ABCD3: variants seen among roughly 807,000 people sequenced by gnomAD.
ABCD3 encodes ATP binding cassette subfamily D member 3, also known as ATP-binding cassette sub-family D member 3.
In ABCD3, 41 loss-of-function variants were observed where a neutral mutation model predicts 105.5. The observed-to-expected ratio is 0.39, with a 90% CI of 0.30 to 0.50. The LOEUF (loss-of-function observed/expected upper bound fraction) is 0.50. Ranked by LOEUF, ABCD3 falls within the 20% of genes least tolerant of loss-of-function variation. ABCD3 has a pLI of 0.84. For synonymous variants in ABCD3, 258 were observed against 269.0 expected, an observed-to-expected ratio of 0.96 and a Z score of 0.40; for missense variants, 622 against 806.3, an observed-to-expected ratio of 0.77 and a Z score of 2.77.
intron 1 of ABCD3, among the ~76,000 whole-genome samples, chr1:94,439,983 C>T (rs578224371): frequency 6.6e-6 from 1 of 152,326 alleles, no homozygotes; most frequent in East Asian, 1.9e-4. Flanking sequence ...ATTCTCTAGC[C>T]TCAGCCTCCC....
At chr1:94,388,658 G>T in the ABCD3 span, among the ~76,000 whole-genome samples, 2 of 151,878 alleles carry the variant, frequency 1.3e-5, no homozygotes, top group South Asian at 2.1e-4. Context: ...TTCAGATCAC[G>T]TGGCCACAGA....
intron 1 of ABCD3, among the ~76,000 whole-genome samples, chr1:94,426,161 A>G (rs999239825): frequency 6.6e-6 from 1 of 152,164 alleles, no homozygotes; most frequent in Non-Finnish European, 1.5e-5. Flanking sequence ...ACCCATGAAA[A>G]TCTCCCAAAG....
chr1:94,436,271 T>G (rs1659898767), intron 1 of ABCD3, among the ~76,000 whole-genome samples: 3 of 152,204 alleles, frequency 2.0e-5, no homozygotes, highest in South Asian at 4.1e-4. Flanking sequence ...TATTTACATC[T>G]GTATCTCCTT....
intron 1 of ABCD3, among the ~76,000 whole-genome samples, chr1:94,451,430 ATTGTCAGTC>A (rs1276506635): frequency 1.1e-3 from 175 of 152,352 alleles, no homozygotes; most frequent in African/African-American, 3.9e-3. Context: ...ACCCAGGAGC[ATTGTCAGTC>A]AGGGAACAAC....
chr1:94,429,183 G>T (rs1394350207), intron 1 of ABCD3, among the ~76,000 whole-genome samples: 1 of 152,172 alleles, frequency 6.6e-6, no homozygotes, highest in Non-Finnish European at 1.5e-5. Context: ...TGATTAGGGT[G>T]TTTGGCGGAA....
chr1:94,388,870 AG>A, the ABCD3 span, among the ~76,000 whole-genome samples: 1 of 152,190 alleles, frequency 6.6e-6, no homozygotes, highest in African/African-American at 2.4e-5. Flanking sequence ...TTGATTTGGC[AG>A]CCACTATGGA....
chr1:94,513,712 A>T (rs1488168707), intron 21 of ABCD3: 1 of 152,024 alleles, frequency 6.6e-6, no homozygotes, highest in Admixed American at 6.6e-5. Context: ...TTTTATTTTG[A>T]CTTATATACT....
At chr1:94,433,155 CTT>C (rs74203433) in intron 1 of ABCD3, among the ~76,000 whole-genome samples, 5 of 131,044 alleles carry the variant, frequency 3.8e-5, no homozygotes, top group Non-Finnish European at 3.3e-5. Flanking sequence ...AACGCCCAGC[CTT>C]TTTTTTTTTT....
At chr1:94,509,066 T>A (rs994091094) in intron 21 of ABCD3, among the ~76,000 whole-genome samples, 4 of 152,184 alleles carry the variant, frequency 2.6e-5, no homozygotes, top group Admixed American at 6.5e-5. Context: ...CTTGTGCCAG[T>A]TTTCAAAGGG....
intron 1 of ABCD3, among the ~76,000 whole-genome samples, chr1:94,451,426 G>GAGC (rs1321015697): frequency 1.9e-4 from 29 of 152,034 alleles, no homozygotes; most frequent in Non-Finnish European, 4.0e-4. Context: ...CTTTACCCAG[G>GAGC]AGCATTGTCA....
intron 3 of ABCD3, 86 bp from the exon 4 acceptor site, chr1:94,467,833 G>A (rs1453180887): frequency 1.1e-6 from 1 of 949,162 alleles, no homozygotes; most frequent in Non-Finnish European, 1.7e-6. Flanking sequence ...CTTTAGATTT[G>A]GAAACCAAAA....
In ABCD3 at chr1:94,475,234, A is replaced by G. The variant is rs1392997867; in HGVS notation, c.497A>G (p.Tyr166Cys). Residue 166 changes from tyrosine (Y) to cysteine (C), a missense_variant, in exon 6 of 23, where the codon TAT (tyrosine) becomes TGT (cysteine). Physicochemically the swap from Tyr to Cys is radical, Grantham distance 194 (BLOSUM62 -2). Around this residue, in one of 4 missense-constraint regions of ABCD3, gnomAD observed 245 missense variants for 356.4 expected, o/e 0.69. Coordinates refer to ENST00000370214, the MANE Select transcript of ABCD3 (RefSeq NM_002858.4). ...CTCACTAAATACCTCTATGAGGAGT[A>G]TCTTCAGTAAGTGATAACCTATTTT... ...VRLTKYLYEE[Y>C]LQAFTYYKMG... is the part of the protein sequence containing the mutation. 4.5e-6 allele frequency: 7 copies of G among 1,569,446 alleles called. No individual in the cohort carries two copies. The Admixed American group carries it at 1.0e-4, about 23-fold the overall frequency.
chr1:94,484,141 C>CAG (rs1239829391), intron 10 of ABCD3, among the ~76,000 whole-genome samples: 13 of 151,934 alleles, frequency 8.6e-5, no homozygotes, highest in East Asian at 3.9e-4. Context: ...CAGGAAACAA[C>CAG]GTGCTGGAGA....
the ABCD3 span, among the ~76,000 whole-genome samples, chr1:94,406,134 A>T: frequency 2.0e-5 from 3 of 151,832 alleles, no homozygotes; most frequent in Admixed American, 2.0e-4. Flanking sequence ...ACTTTTTTTC[A>T]AATGGTTATC....
At chr1:94,426,218 G>A (rs1159241900) in intron 1 of ABCD3, among the ~76,000 whole-genome samples, 1 of 152,168 alleles carries the variant, frequency 6.6e-6, no homozygotes, top group Non-Finnish European at 1.5e-5. Context: ...GAGTTGGAAA[G>A]TATCTTAAGT....
chr1:94,385,843 T>C, the ABCD3 span, among the ~76,000 whole-genome samples: 2 of 152,140 alleles, frequency 1.3e-5, no homozygotes, highest in Non-Finnish European at 2.9e-5. Flanking sequence ...GATATATGTC[T>C]ATATATAGCA....
At position 94,470,503 on chromosome 1, in the gene ABCD3, C is replaced by T. The variant is rs547401154; in HGVS notation, c.335+2496C>T. On this transcript the variant is annotated intron_variant, in intron 4 of 22. Coordinates refer to ENST00000370214, the MANE Select transcript of ABCD3 (RefSeq NM_002858.4). ...TTCCTCCCTCAATCTCCCCCTCAAT[C>T]TTTTTTTAAAAAATTGTTGATGTTG... Among the ~76,000 whole-genome samples, 107 of 151,976 alleles carry T rather than the reference C, an allele frequency of 7.0e-4. 1 individual carries two copies. The highest frequency in any genetic ancestry group is 1.5e-3 in the South Asian group (7 of 4,816).
At chr1:94,389,908 C>T in the ABCD3 span, among the ~76,000 whole-genome samples, 1 of 152,158 alleles carries the variant, frequency 6.6e-6, no homozygotes, top group Non-Finnish European at 1.5e-5. Context: ...TATGATAGAT[C>T]ACAGTTATAG....
chr1:94,415,587 A>G (rs4148060), upstream of ABCD3, among the ~76,000 whole-genome samples: 54,557 of 152,090 alleles, frequency 0.36, 11,458 homozygotes, highest in Middle Eastern at 0.55. Flanking sequence ...CTTGCCTGGC[A>G]GATTTGAACT....
Sources: gnomAD v4.1 joint callset for allele counts (sites outside exome capture counted in the v4.1 genomes callset) on GRCh38, gnomAD v4.1.1 for gene constraint, gnomAD v4.1.1 regional missense constraint, MANE v1.5 for transcripts, NCBI Gene and HGNC (gene_info 2026-07-23, HGNC 2026-07-21) for gene names.